The following CYP2C8 variants were observed in gnomAD, a reference collection of about 807,000 sequenced individuals.
CYP2C8 encodes the protein cytochrome P450 2C8.
A neutral mutation model predicts 41.3 loss-of-function variants in CYP2C8; 51 were observed. That is an observed-to-expected ratio of 1.24 (90% CI 0.99 to 1.56). CYP2C8 has a LOEUF of 1.56. Ranked by LOEUF, CYP2C8 falls within the 40% of genes most tolerant of loss-of-function variation. The probability of loss-of-function intolerance (pLI) is 0.00; values close to 1 mark genes in which losing one functional copy is unlikely to be tolerated. For missense variants in CYP2C8, 651 were observed against 579.9 expected (o/e 1.12, Z -1.26); for synonymous variants, 218 against 205.8 (o/e 1.06, Z -0.51).
chr10:95,050,169 G>A (rs1361050828), intron 5 of CYP2C8, among the ~76,000 whole-genome samples: 4 of 152,060 alleles, frequency 2.6e-5, no homozygotes, highest in Non-Finnish European at 5.9e-5. Context: ...TGCTCAGGGG[G>A]TGAGATTCCA....
At chr10:95,040,453 A>G (rs2032971504) in intron 7 of CYP2C8, among the ~76,000 whole-genome samples, 1 of 152,244 alleles carries the variant, frequency 6.6e-6, no homozygotes, top group Non-Finnish European at 1.5e-5. Context: ...TCATGAAGAT[A>G]TAACCTTTAT....
intron 5 of CYP2C8, among the ~76,000 whole-genome samples, chr10:95,058,002 A>G (rs1275185690): frequency 1.3e-5 from 2 of 152,176 alleles, no homozygotes; most frequent in Admixed American, 6.5e-5. Flanking sequence ...CACATAATCT[A>G]TGTGCAATAT....
At chr10:95,059,016 G>A (rs1169275480) in intron 4 of CYP2C8, among the ~76,000 whole-genome samples, 2 of 151,934 alleles carry the variant, frequency 1.3e-5, no homozygotes, top group African/African-American at 2.4e-5. Context: ...GTGTCTATGT[G>A]CCACATTTTC....
chr10:95,058,592 T>A, intron 4 of CYP2C8, 81 bp from the exon 5 acceptor site: 1 of 1,257,038 alleles, frequency 8.0e-7, no homozygotes, highest in Non-Finnish European at 1.1e-6. Flanking sequence ...AAATTATAAC[T>A]ATAAATATGA....
chr10:95,048,654 G>C (rs1354213823), intron 5 of CYP2C8, among the ~76,000 whole-genome samples: 1 of 144,894 alleles, frequency 6.9e-6, no homozygotes, highest in Non-Finnish European at 1.5e-5. Context: ...TTTGCCAGCA[G>C]ATGTTGTAAT....
intron 8 of CYP2C8, among the ~76,000 whole-genome samples, chr10:95,037,947 C>T (rs1300622255): frequency 6.6e-6 from 1 of 152,230 alleles, no homozygotes; most frequent in African/African-American, 2.4e-5. Context: ...CAACAGCATA[C>T]TCATGCTTTC....
At chr10:95,039,122 G>A (rs185936754) in intron 7 of CYP2C8, 84 bp from the exon 8 acceptor site, 121 of 1,278,710 alleles carry the variant, frequency 9.5e-5, no homozygotes, top group South Asian at 4.1e-4. Context: ...GCGCCATAAC[G>A]TTGATCTATA....
chr10:95,063,873 C>T lies in CYP2C8; in HGVS notation c.642+927G>A, dbSNP rs183890598. ...CCTTCTAACAGTCAGGATCCTCAGC[C>T]GCGAGTCTGCTGGAGGTCCACTCCA... On this transcript the variant is annotated intron_variant, in intron 4 of 8. Coordinates refer to ENST00000371270, the MANE Select transcript of CYP2C8 (RefSeq NM_000770.3). Among the ~76,000 whole-genome samples the T allele has an allele frequency of 3.2e-3, 490 of 151,904 alleles. 2 individuals carry two copies. The highest frequency in any genetic ancestry group is 8.1e-3 in the South Asian group (39 of 4,820).
intron 3 of CYP2C8, among the ~76,000 whole-genome samples, chr10:95,066,153 A>AGAGAGAGTGTGT (rs1342809282): frequency 1.8e-3 from 163 of 88,270 alleles, no homozygotes; most frequent in Middle Eastern, 7.6e-3. Flanking sequence ...AGAGAGAGAG[A>AGAGAGAGTGTGT]GTGTGTGTGT....
At chr10:95,067,911 C>T (rs1564743352) in intron 1 of CYP2C8, among the ~76,000 whole-genome samples, 1 of 152,188 alleles carries the variant, frequency 6.6e-6, no homozygotes, top group African/African-American at 2.4e-5. Flanking sequence ...GCAATTGGTA[C>T]ACAAATCACA....
chr10:95,054,855 A>C (rs554766658), intron 5 of CYP2C8, among the ~76,000 whole-genome samples: 1 of 152,264 alleles, frequency 6.6e-6, no homozygotes, highest in Admixed American at 6.5e-5. Flanking sequence ...CAAGAAGATA[A>C]AAGACTGAAA....
intron 4 of CYP2C8, among the ~76,000 whole-genome samples, chr10:95,059,753 C>A (rs56412102): frequency 0.045 from 6,801 of 152,190 alleles, 570 homozygotes; most frequent in African/African-American, 0.15. Context: ...CCTAGGTTTT[C>A]TTCTAGAATT....
At chr10:95,038,762 G>T in intron 8 of CYP2C8, 135 bp downstream of exon 8, 1 of 790,328 alleles carries the variant, frequency 1.3e-6, no homozygotes, top group Non-Finnish European at 2.1e-6. Flanking sequence ...GAGCACATGG[G>T]TGTTAAGAGT....
At chr10:95,046,357 T>C (rs537364970) in intron 5 of CYP2C8, among the ~76,000 whole-genome samples, 3 of 152,338 alleles carry the variant, frequency 2.0e-5, no homozygotes, top group Non-Finnish European at 4.4e-5. Flanking sequence ...CACTGGCTTC[T>C]GGCAATGGCC....
intron 1 of CYP2C8, 111 bp from the exon 2 acceptor site, chr10:95,067,802 A>T (rs974640803): frequency 8.8e-7 from 1 of 1,139,130 alleles, no homozygotes; most frequent in Non-Finnish European, 1.3e-6. Context: ...TATTTGCCAC[A>T]CATAGATTCG....
chr10:95,061,734 G>C (rs1389034912), intron 4 of CYP2C8, among the ~76,000 whole-genome samples: 4 of 151,916 alleles, frequency 2.6e-5, no homozygotes, highest in Non-Finnish European at 5.9e-5. Context: ...GTGATGTTAG[G>C]GTGTCAATTT....
At chr10:95,069,204 A>G (rs759714405) in intron 1 of CYP2C8, 31 bp downstream of exon 1, 12 of 1,613,284 alleles carry the variant, frequency 7.4e-6, no homozygotes, top group Non-Finnish European at 1.0e-5. Flanking sequence ...TACCCTTTGC[A>G]ATTGGCTGGA....
chr10:95,058,188 C>A (rs1235794271), intron 5 of CYP2C8, 147 bp downstream of exon 5: 2 of 1,193,388 alleles, frequency 1.7e-6, no homozygotes, highest in Non-Finnish European at 1.2e-6. Flanking sequence ...ATGTTTAGTG[C>A]AGGCCCATAA....
intron 4 of CYP2C8, among the ~76,000 whole-genome samples, chr10:95,060,114 C>A (rs2033394857): frequency 2.6e-5 from 4 of 152,100 alleles, no homozygotes; most frequent in Admixed American, 1.3e-4. Flanking sequence ...TTAGGATTGA[C>A]TTGACAATGC....
Sources: allele counts gnomAD v4.1 joint callset (sites outside exome capture counted in the v4.1 genomes callset), GRCh38; gene constraint gnomAD v4.1.1; transcripts MANE v1.5; gene names NCBI Gene and HGNC (gene_info 2026-07-23, HGNC 2026-07-21).